PPM1L: variants seen among roughly 807,000 people sequenced by gnomAD.
PPM1L encodes the protein protein phosphatase, Mg2+/Mn2+ dependent 1L.
In PPM1L, 13 loss-of-function variants were observed where a neutral mutation model predicts 31.4. The observed-to-expected ratio is 0.41, with a 90% CI of 0.27 to 0.66. The LOEUF (loss-of-function observed/expected upper bound fraction) is 0.66, where lower values mean the gene tolerates loss of function less well. Among genes scored for constraint, PPM1L ranks in the 30% least tolerant of loss-of-function variants. The probability of loss-of-function intolerance (pLI) is 0.29; values close to 1 mark genes in which losing one functional copy is unlikely to be tolerated. For missense variants in PPM1L, 326 were observed against 453.7 expected, an observed-to-expected ratio of 0.72 and a Z score of 2.56; for synonymous variants, 184 against 175.4, an observed-to-expected ratio of 1.05 and a Z score of -0.39.
rs552333769 is a variant in PPM1L, at chr3:161,020,078, A to G, written c.575-45325A>G. ...GAGGTGGAGGTTGCAGTGAGCCAAGATCGTGCCACTGCACTCCAGCCTAGC... is the reference window on the plus strand; with the variant it reads ...GAGGTGGAGGTTGCAGTGAGCCAAGGTCGTGCCACTGCACTCCAGCCTAGC... On this transcript the variant is annotated intron_variant, in intron 2 of 3. Coordinates refer to ENST00000498165, the MANE Select transcript of PPM1L (RefSeq NM_139245.4). 3.8e-4 allele frequency among the ~76,000 whole-genome samples: 57 copies of G among 151,084 alleles called. 1 individual carries two copies. In the South Asian group the frequency reaches 0.01, roughly 27 times the overall value.
At chr3:161,044,236 C>A (rs2108091509) in intron 2 of PPM1L, among the ~76,000 whole-genome samples, 1 of 152,166 alleles carries the variant, frequency 6.6e-6, no homozygotes, top group East Asian at 1.9e-4. Flanking sequence ...GATGGGGTTT[C>A]ACCATGTTGG....
chr3:160,901,631 C>T (rs1560144565), intron 1 of PPM1L, among the ~76,000 whole-genome samples: 1 of 152,174 alleles, frequency 6.6e-6, no homozygotes, highest in African/African-American at 2.4e-5. Context: ...CTTCAGGACC[C>T]TGCGCATAGG....
At chr3:160,965,919 A>T (rs1716127550) in intron 2 of PPM1L, among the ~76,000 whole-genome samples, 1 of 152,134 alleles carries the variant, frequency 6.6e-6, no homozygotes, top group Non-Finnish European at 1.5e-5. Context: ...TAATAAAAAA[A>T]CAATTAATGA....
intron 1 of PPM1L, among the ~76,000 whole-genome samples, chr3:160,899,222 C>T (rs1258063394): frequency 6.6e-6 from 1 of 152,190 alleles, no homozygotes; most frequent in South Asian, 2.1e-4. Context: ...ATCTTCCAAA[C>T]CTATGCTCTT....
chr3:160,776,833 T>C (rs529147989), intron 1 of PPM1L, among the ~76,000 whole-genome samples: 1 of 151,964 alleles, frequency 6.6e-6, no homozygotes, highest in East Asian at 2.0e-4. Flanking sequence ...ATTCCTGACT[T>C]TGTGATCCAC....
chr3:160,894,788 A>G (rs1438424708), intron 1 of PPM1L, among the ~76,000 whole-genome samples: 1 of 152,190 alleles, frequency 6.6e-6, no homozygotes, highest in African/African-American at 2.4e-5. Context: ...TAAAAAGTAT[A>G]CTCAGTAACA....
At chr3:160,943,035 C>T (rs1715212921) in intron 1 of PPM1L, among the ~76,000 whole-genome samples, 1 of 151,878 alleles carries the variant, frequency 6.6e-6, no homozygotes, top group African/African-American at 2.4e-5. Context: ...AAAACAATCA[C>T]AAAACTCATG....
At chr3:160,888,580 T>C (rs532831589) in intron 1 of PPM1L, among the ~76,000 whole-genome samples, 2 of 152,188 alleles carry the variant, frequency 1.3e-5, no homozygotes, top group Admixed American at 6.5e-5. Context: ...ACAATAATAG[T>C]GGGAGACTTT....
intron 1 of PPM1L, among the ~76,000 whole-genome samples, chr3:160,857,957 CT>C (rs1246905757): frequency 2.6e-5 from 4 of 152,176 alleles, no homozygotes; most frequent in Non-Finnish European, 5.9e-5. Flanking sequence ...TGACTGTGTC[CT>C]GTCATGACTC....
chr3:160,917,018 G>T (rs1263278061), intron 1 of PPM1L, among the ~76,000 whole-genome samples: 1 of 152,182 alleles, frequency 6.6e-6, no homozygotes, highest in African/African-American at 2.4e-5. Flanking sequence ...TCCTGGGGAA[G>T]AACACAGGCA....
chr3:160,946,877 G>A (rs1276000529), intron 1 of PPM1L, among the ~76,000 whole-genome samples: 1 of 152,126 alleles, frequency 6.6e-6, no homozygotes, highest in Non-Finnish European at 1.5e-5. Flanking sequence ...ATCAATTGAT[G>A]CTATTTTAGC....
chr3:160,925,170 T>G (rs995025852), intron 1 of PPM1L, among the ~76,000 whole-genome samples: 1 of 152,182 alleles, frequency 6.6e-6, no homozygotes, highest in Non-Finnish European at 1.5e-5. Context: ...CAAGAAATGG[T>G]CATGACCATT....
At chr3:160,877,481 G>A (rs1712555610) in intron 1 of PPM1L, among the ~76,000 whole-genome samples, 3 of 152,204 alleles carry the variant, frequency 2.0e-5, no homozygotes, top group Non-Finnish European at 4.4e-5. Context: ...TTTGAGGGTA[G>A]GTACCAGGTG....
intron 2 of PPM1L, among the ~76,000 whole-genome samples, chr3:161,049,033 A>G (rs1719179468): frequency 6.6e-6 from 1 of 151,872 alleles, no homozygotes; most frequent in Admixed American, 6.6e-5. Flanking sequence ...TACATATGTA[A>G]CACACCTGCA....
At chr3:160,837,931 A>G (rs1377703666) in intron 1 of PPM1L, among the ~76,000 whole-genome samples, 1 of 152,176 alleles carries the variant, frequency 6.6e-6, no homozygotes, top group African/African-American at 2.4e-5. Flanking sequence ...TTTATTTTGT[A>G]CTGGGCCCTG....
rs1247911598 is a variant in PPM1L, at chr3:161,076,877, G to A, written c.*7720G>A. Reference sequence around the variant, plus strand: ...GTTTTTTTCTTAAAAATAAATAGAAGCATCATTGCATTTATAACAGATTGA... The same window carrying A: ...GTTTTTTTCTTAAAAATAAATAGAAACATCATTGCATTTATAACAGATTGA... On this transcript the variant is annotated 3_prime_UTR_variant, in exon 4 of 4. Coordinates refer to ENST00000498165, the MANE Select transcript of PPM1L (RefSeq NM_139245.4). The A allele has an allele frequency of 1.3e-5, 2 of 152,106 alleles. No homozygotes were observed. The highest frequency in any genetic ancestry group is 4.8e-5 in the African/African-American group (2 of 41,406). 9.4% of individuals were successfully genotyped at this position (152,106 alleles called of 1,614,324 possible).
intron 1 of PPM1L, among the ~76,000 whole-genome samples, chr3:160,814,663 G>T (rs1033036948): frequency 1.4e-5 from 2 of 145,250 alleles, no homozygotes; most frequent in African/African-American, 5.1e-5. Context: ...ATACACACAC[G>T]GTATATACCA....
At chr3:161,016,930 G>T (rs1718103920) in intron 2 of PPM1L, among the ~76,000 whole-genome samples, 2 of 152,148 alleles carry the variant, frequency 1.3e-5, no homozygotes, top group Non-Finnish European at 2.9e-5. Context: ...CAGTTTCTTA[G>T]AAGATAATAT....
chr3:160,954,956 CTTCCTTTCCT>C (rs1553749481), intron 1 of PPM1L, among the ~76,000 whole-genome samples: 5 of 77,460 alleles, frequency 6.5e-5, no homozygotes, highest in Non-Finnish European at 9.4e-5. Context: ...TCCTTCCTTC[CTTCCTTTCCT>C]TTCCTTTCCT....
Sources: gnomAD v4.1 joint callset for allele counts (sites outside exome capture counted in the v4.1 genomes callset) on GRCh38, gnomAD v4.1.1 for gene constraint, MANE v1.5 for transcripts, NCBI Gene and HGNC (gene_info 2026-07-23, HGNC 2026-07-21) for gene names.